The following ZNF236 variants were observed in gnomAD, a reference collection of about 807,000 sequenced individuals.
ZNF236 encodes the protein zinc finger protein 236.
Under a neutral mutation model 191.2 loss-of-function variants are expected in ZNF236, and 50 were observed. The observed-to-expected ratio is 0.26, with a 90% CI of 0.21 to 0.33. The LOEUF (loss-of-function observed/expected upper bound fraction) is 0.33. ZNF236 is among the 10% of genes least tolerant of loss of function. The pLI, the probability that ZNF236 is intolerant of heterozygous loss-of-function variation, is 1.00. For synonymous variants in ZNF236, 907 were observed against 928.8 expected (o/e 0.98, Z 0.43); for missense variants, 1,754 against 2,374.5 (o/e 0.74, Z 5.43).
At chr18:76,889,906 TATA>T (rs1431283609) in intron 9 of ZNF236, among the ~76,000 whole-genome samples, 1 of 152,200 alleles carries the variant, frequency 6.6e-6, no homozygotes, top group East Asian at 1.9e-4. Flanking sequence ...AGAGGTATAA[TATA>T]ATGTGATGTT....
chr18:76,867,628 T>C (rs1976454566), intron 3 of ZNF236, among the ~76,000 whole-genome samples: 1 of 152,234 alleles, frequency 6.6e-6, no homozygotes. Flanking sequence ...TGAGGATCAT[T>C]TAAGTAAATA....
At position 76,875,792 on chromosome 18, in the gene ZNF236, CCT is replaced by C; in HGVS notation, c.840+129_840+130del. 9.5e-7 allele frequency: 1 copy of C among 1,055,128 alleles called. No individual in the cohort carries two copies. Among genetic ancestry groups the C allele is most frequent in the African/African-American group, 1.6e-5 (1 of 61,206 alleles). The allele number at this position is 1,055,128 out of a possible 1,614,324, so 65.4% of individuals were successfully genotyped here. A position where few individuals can be genotyped will look rare whatever the true frequency, so the allele number is the denominator to read the frequency against. On this transcript the variant is annotated intron_variant, in intron 6 of 30. Coordinates refer to ENST00000320610, the MANE Select transcript of ZNF236 (RefSeq NM_001306089.2). This position sits in a 1 kb window ranked among gnomAD's most constrained non-coding sequence, Gnocchi z 4.3. The stretch of plus-strand genomic sequence containing the variant: ...CAGATTGATTTTGTGCCGAGCAGAC[CCT>C]GTTTTAAAAAATACATACGTGGGAA...
chr18:76,938,960 AC>A (rs1239521990), intron 26 of ZNF236, among the ~76,000 whole-genome samples: 1 of 152,140 alleles, frequency 6.6e-6, no homozygotes, highest in Non-Finnish European at 1.5e-5. Flanking sequence ...ACCTGCCCTT[AC>A]GCACCATCAA....
intron 9 of ZNF236, among the ~76,000 whole-genome samples, chr18:76,892,153 G>T (rs908285621): frequency 0.013 from 782 of 58,142 alleles, no homozygotes; most frequent in Middle Eastern, 0.044. Flanking sequence ...TTTTCTTTTT[G>T]AAATTTTCTT....
rs1046487719 is a variant in ZNF236 at position 76,960,288 on chromosome 18, G to T, written c.5243-391G>T. ...AAAAACACACGGAACAAAGAAACAAGCTCTTCCATCTTCTGCCTCTTGACT... is the reference window on the plus strand; with the variant it reads ...AAAAACACACGGAACAAAGAAACAATCTCTTCCATCTTCTGCCTCTTGACT... On this transcript the variant is annotated intron_variant, in intron 29 of 30. Transcript: ENST00000320610. The surrounding 1 kb of genome is among the most constrained non-coding windows in gnomAD (Gnocchi z 4.4). Among the ~76,000 whole-genome samples the T allele has an allele frequency of 6.6e-6, 1 of 152,174 alleles. No homozygotes were observed. The highest frequency in any genetic ancestry group is 1.5e-5 in the Non-Finnish European group (1 of 68,032).
chr18:76,830,265 C>G (rs1463767165), intron 1 of ZNF236, among the ~76,000 whole-genome samples: 2 of 152,058 alleles, frequency 1.3e-5, no homozygotes, highest in African/African-American at 4.8e-5. Flanking sequence ...GAGATTTTTC[C>G]TGTTGCTATG....
chr18:76,972,628 T>A lies in ZNF236; in HGVS notation c.*4289T>A. On this transcript the variant is annotated 3_prime_UTR_variant, in exon 31 of 31. Coordinates refer to ENST00000320610, the MANE Select transcript of ZNF236 (RefSeq NM_001306089.2). ...CTTTTATGTGTAACACTTTACAGCA[T>A]GAAGACGTATTCTATCAATATTTGT... Among the ~76,000 whole-genome samples, 1 of 152,260 alleles carries A rather than the reference T, an allele frequency of 6.6e-6. No homozygotes were observed. Among genetic ancestry groups the A allele is most frequent in the Non-Finnish European group, 1.5e-5 (1 of 68,038 alleles).
Position 76,960,559 on chromosome 18 carries a change from A to T in ZNF236, c.5243-120A>T. 1 of 1,308,464 alleles carries T rather than the reference A, an allele frequency of 7.6e-7. No homozygotes were observed. The highest frequency in any genetic ancestry group is 1.1e-6 in the Non-Finnish European group (1 of 925,420). The allele number at this position is 1,308,464 out of a possible 1,614,324, so 81.1% of individuals were successfully genotyped here. A position where few individuals can be genotyped will look rare whatever the true frequency, so the allele number is the denominator to read the frequency against. ...CCAGCCCTTTGTTCAGATGACAGCC[A>T]GGCTGAAAGCCTAAAAGAAAAGAGG... is the stretch of plus-strand genomic sequence containing the variant. On this transcript the variant is annotated intron_variant, in intron 29 of 30. Coordinates refer to ENST00000320610, the MANE Select transcript of ZNF236 (RefSeq NM_001306089.2). This position sits in a 1 kb window ranked among gnomAD's most constrained non-coding sequence, Gnocchi z 4.4.
intron 1 of ZNF236, among the ~76,000 whole-genome samples, chr18:76,826,315 G>C (rs1975018720): frequency 6.7e-6 from 1 of 149,478 alleles, no homozygotes; most frequent in Non-Finnish European, 1.5e-5. Flanking sequence ...GTAGAGACGG[G>C]GTTTCACCAT....
intron 21 of ZNF236, among the ~76,000 whole-genome samples, chr18:76,924,249 A>G (rs962230181): frequency 6.6e-6 from 1 of 152,204 alleles, no homozygotes; most frequent in African/African-American, 2.4e-5. Flanking sequence ...CCCCAGGCCT[A>G]GGGCACGGCC....
At position 76,898,767 on chromosome 18, in the gene ZNF236, G is replaced by GT. The variant is rs1252676022; in HGVS notation, c.1691-251dup. Among the ~76,000 whole-genome samples, 3 of 152,216 alleles carry GT rather than the reference G, an allele frequency of 2.0e-5. No homozygotes were observed. The East Asian group carries it at 5.8e-4, about 29-fold the overall frequency. ...AGAACTACTGTCCATATTTTACAAT[G>GT]TAAGACTTTGTCCTAAAAATACTAA... On this transcript the variant is annotated intron_variant, in intron 10 of 30. Transcript: ENST00000320610.
At chr18:76,938,803 G>T (rs1273336120) in intron 26 of ZNF236, among the ~76,000 whole-genome samples, 3 of 152,136 alleles carry the variant, frequency 2.0e-5, no homozygotes, top group Non-Finnish European at 2.9e-5. Context: ...AAGCAGCCCT[G>T]CCTACGTCGT....
Position 76,875,814 on chromosome 18 carries a change from T to A in ZNF236, c.840+150T>A. On this transcript the variant is annotated intron_variant, in intron 6 of 30. Transcript: ENST00000320610. This position sits in a 1 kb window ranked among gnomAD's most constrained non-coding sequence, Gnocchi z 4.3. ...GACCCTGTTTTAAAAAATACATACG[T>A]GGGAATTTTTTTGGTTTATTACATG... 1.2e-6 allele frequency: 1 copy of A among 856,832 alleles called. No homozygotes were observed. The highest frequency in any genetic ancestry group is 1.6e-6 in the Non-Finnish European group (1 of 638,502). The allele number at this position is 856,832 out of a possible 1,614,324, so 53.1% of individuals were successfully genotyped here. A position where few individuals can be genotyped will look rare whatever the true frequency, so the allele number is the denominator to read the frequency against.
At chr18:76,957,155 G>T (rs1412262943) in intron 28 of ZNF236, among the ~76,000 whole-genome samples, 1 of 152,032 alleles carries the variant, frequency 6.6e-6, no homozygotes. Flanking sequence ...TGTTGGGGGG[G>T]TGGGGATTGT....
At chr18:76,848,947 C>A (rs1381383325) in intron 1 of ZNF236, among the ~76,000 whole-genome samples, 2 of 152,210 alleles carry the variant, frequency 1.3e-5, no homozygotes, top group African/African-American at 4.8e-5. Context: ...GCACGAGCCA[C>A]TGTGCGTGGC....
intron 25 of ZNF236, among the ~76,000 whole-genome samples, chr18:76,932,880 C>G (rs772051991): frequency 6.6e-6 from 1 of 152,164 alleles, no homozygotes; most frequent in African/African-American, 2.4e-5. Flanking sequence ...GGAATGAGGG[C>G]GCACGCACTC....
At chr18:76,842,942 G>C (rs1599321549) in intron 1 of ZNF236, among the ~76,000 whole-genome samples, 1 of 152,176 alleles carries the variant, frequency 6.6e-6, no homozygotes, top group Non-Finnish European at 1.5e-5. Context: ...CAACTTCTCA[G>C]TGCAGGTGCT....
At chr18:76,863,810 A>G (rs183284054) in intron 3 of ZNF236, among the ~76,000 whole-genome samples, 1 of 152,348 alleles carries the variant, frequency 6.6e-6, no homozygotes, top group Admixed American at 6.5e-5. Flanking sequence ...AACTCTTGCT[A>G]GCAGACTTAC....
chr18:76,823,536 T>C (rs1974927889), intron 1 of ZNF236, among the ~76,000 whole-genome samples: 1 of 152,152 alleles, frequency 6.6e-6, no homozygotes, highest in Admixed American at 6.5e-5. Flanking sequence ...GAGCGCTAGA[T>C]CGTGCACACA....
Sources: gnomAD v4.1 joint callset for allele counts (sites outside exome capture counted in the v4.1 genomes callset) on GRCh38, gnomAD v4.1.1 for gene constraint, Gnocchi (gnomAD v3.1) non-coding constraint, MANE v1.5 for transcripts, NCBI Gene and HGNC (gene_info 2026-07-23, HGNC 2026-07-21) for gene names.